Variants in RNF103 observed in about 807,000 individuals in gnomAD.
RNF103 encodes E3 ubiquitin-protein ligase RNF103.
In RNF103, 23 loss-of-function variants were observed where a neutral mutation model predicts 66.2. That is an observed-to-expected ratio of 0.35 (90% CI 0.25 to 0.49). The LOEUF is 0.49. Among genes scored for constraint, RNF103 ranks in the 20% least tolerant of loss-of-function variants. The pLI, the probability that RNF103 is intolerant of heterozygous loss-of-function variation, is 0.98. For synonymous variants in RNF103, 297 were observed against 289.9 expected, an observed-to-expected ratio of 1.02 and a Z score of -0.25; for missense variants, 730 against 814.7, an observed-to-expected ratio of 0.90 and a Z score of 1.27.
Position 86,605,297 on chromosome 2 carries a change from T to C in RNF103, c.604A>G (p.Ile202Val). The C allele has an allele frequency of 6.2e-7, 1 of 1,614,184 alleles. No homozygotes were observed. The highest frequency in any genetic ancestry group is 8.5e-7 in the Non-Finnish European group (1 of 1,180,018). Residue 202 changes from isoleucine (I) to valine (V), a missense_variant, in exon 4 of 4, where the codon ATT becomes GTT. Transcript: ENST00000237455. Reference sequence around the variant, plus strand: ...GCATGAGCAGTTATCCATTTAAAAATGTGCTCTACTTCAATCTTGCGTCCA... The same window carrying C: ...GCATGAGCAGTTATCCATTTAAAAACGTGCTCTACTTCAATCTTGCGTCCA... ...YSGRKIEVEH[I>V]FKWITAHAAS...
chr2:86,612,210 A>C lies in RNF103; in HGVS notation c.431T>G (p.Val144Gly). Residue 144 changes from valine (V) to glycine (G), a missense_variant, in exon 3 of 4, where the codon GTG (valine) becomes GGG (glycine). Physicochemically the swap from Val to Gly is moderately radical, Grantham distance 109. Transcript: ENST00000237455. ...GCCTGTACGTATTCCAAATCTTGAC[A>C]CCTTTTTAACCATTTTCTCCCAGTG... is the stretch of plus-strand genomic sequence containing the variant. ...KIHWEKMVKK[V>G]SRFGIRTGTF... 6.2e-7 allele frequency: 1 copy of C among 1,613,858 alleles called. No homozygotes were observed. Among genetic ancestry groups the C allele is most frequent in the Non-Finnish European group, 8.5e-7 (1 of 1,179,886 alleles).
intron 2 of RNF103, chr2:86,617,640 A>G (rs1179304275): frequency 1.0e-6 from 1 of 983,014 alleles, no homozygotes; most frequent in Non-Finnish European, 1.2e-6. Context: ...TAAACAGAAA[A>G]TAACAACAAT....
At position 86,604,554 on chromosome 2, in the gene RNF103, G is replaced by A. The variant is rs755022156; in HGVS notation, c.1347C>T (p.Ala449=). The A allele has an allele frequency of 6.2e-7, 1 of 1,614,152 alleles. No individual in the cohort carries two copies. The highest frequency in any genetic ancestry group is 2.2e-5 in the East Asian group (1 of 44,884). The change falls in exon 4 of 4, where the codon GCC becomes GCT. Residue 449 remains alanine, a synonymous_variant. Coordinates refer to ENST00000237455, the MANE Select transcript of RNF103 (RefSeq NM_005667.4). ...RRNNNNDEVN[A]NNLEWLSSLW... ...GACTTGATAACCATTCTAAGTTATT[G>A]GCATTGACTTCATCATTGTTGTTGT...
intron 2 of RNF103, chr2:86,617,625 T>A: frequency 1.0e-6 from 1 of 977,224 alleles, no homozygotes; most frequent in Non-Finnish European, 1.2e-6. Flanking sequence ...AAGGGGGGAC[T>A]ACTGTAAACA....
At position 86,623,604 on chromosome 2, in the gene RNF103, C is replaced by G. The variant is rs1558690643; in HGVS notation, c.-718G>C. 2 of 1,028,324 alleles carry G rather than the reference C, an allele frequency of 1.9e-6. No homozygotes were observed. The allele number at this position is 1,028,324 out of a possible 1,614,324, so 63.7% of individuals were successfully genotyped here. On this transcript the variant is annotated 5_prime_UTR_variant, in exon 1 of 4. Transcript: ENST00000237455. ...GGGCGGCGCCTCTCAGGCGGGCGGG[C>G]ACTGCGGCCCGGCCCAGGATGGGGC...
intron 2 of RNF103, chr2:86,616,772 C>A: frequency 1.4e-5 from 14 of 985,308 alleles, no homozygotes; most frequent in Non-Finnish European, 1.7e-5. Context: ...CAGTAGGGAA[C>A]AAATATGTCC....
chr2:86,622,996 G>C lies in RNF103; in HGVS notation c.-110C>G, dbSNP rs1001280831. On this transcript the variant is annotated 5_prime_UTR_variant, in exon 1 of 4. Transcript: ENST00000237455. ...GCTTGGGCGAGGGCCCCGTGTCCAC[G>C]CGCGGGCCACCCGGCGCCGTCACTG... 1 of 1,400,150 alleles carries C rather than the reference G, an allele frequency of 7.1e-7. No homozygotes were observed. The highest frequency in any genetic ancestry group is 9.2e-7 in the Non-Finnish European group (1 of 1,081,376). 86.7% of individuals were successfully genotyped at this position (1,400,150 alleles called of 1,614,324 possible). A position where few individuals can be genotyped will look rare whatever the true frequency, so the allele number is the denominator to read the frequency against.
chr2:86,605,217 A>T lies in RNF103; in HGVS notation c.684T>A (p.Asn228Lys), dbSNP rs371846352. 2.0e-4 allele frequency: 317 copies of T among 1,614,026 alleles called. No individual in the cohort carries two copies. The highest frequency in any genetic ancestry group is 1.8e-4 in the Non-Finnish European group (213 of 1,180,026). ...YNAEHLKEEWNKSDQYWLKIY... is the reference protein window; with the variant it reads ...YNAEHLKEEWKKSDQYWLKIY... ...TTTTTAACCAATACTGATCACTTTT[A>T]TTCCATTCTTCTTTCAAGTGTTCAG... The change falls in exon 4 of 4, where the codon AAT (asparagine) becomes AAA (lysine). Residue 228 changes from asparagine to lysine, a missense_variant. By Grantham distance (94) the Asn-to-Lys change is moderately conservative. Transcript: ENST00000237455.
At chr2:86,621,747 C>A (rs1679238388) in intron 1 of RNF103, among the ~76,000 whole-genome samples, 1 of 152,142 alleles carries the variant, frequency 6.6e-6, no homozygotes, top group Non-Finnish European at 1.5e-5. Flanking sequence ...AAAAAGATAA[C>A]CATCAGTTTC....
chr2:86,617,212 A>G (rs917247406), intron 2 of RNF103: 1 of 985,306 alleles, frequency 1.0e-6, no homozygotes, highest in African/African-American at 1.7e-5. Flanking sequence ...AAGCTTAAAA[A>G]TATGAAGAGG....
intron 2 of RNF103, chr2:86,617,011 G>T: frequency 1.0e-6 from 1 of 985,272 alleles, no homozygotes; most frequent in South Asian, 4.7e-5. Flanking sequence ...AATAGCTAAT[G>T]AAAGATATGA....
chr2:86,611,658 T>C (rs1244228853), intron 3 of RNF103, among the ~76,000 whole-genome samples: 1 of 151,906 alleles, frequency 6.6e-6, no homozygotes, highest in Non-Finnish European at 1.5e-5. Context: ...GAAGGATACA[T>C]GGATGATTAA....
At position 86,603,804 on chromosome 2, in the gene RNF103, T is replaced by C; in HGVS notation, c.*39A>G. The C allele has an allele frequency of 6.4e-7, 1 of 1,560,660 alleles. No individual in the cohort carries two copies. Among genetic ancestry groups the C allele is most frequent in the South Asian group, 1.2e-5 (1 of 81,036 alleles). On this transcript the variant is annotated 3_prime_UTR_variant, in exon 4 of 4. Coordinates refer to ENST00000237455, the MANE Select transcript of RNF103 (RefSeq NM_005667.4). ...TGACTAACATTAAAAAGGCAAGCTG[T>C]AAGATACTCAAAGCTTATAAAGGAC... is the stretch of plus-strand genomic sequence containing the variant.
At chr2:86,615,516 T>C (rs1053170064) in intron 2 of RNF103, among the ~76,000 whole-genome samples, 1 of 122,294 alleles carries the variant, frequency 8.2e-6, no homozygotes. Context: ...TATATACATA[T>C]GCCTTATATA....
At position 86,623,478 on chromosome 2, in the gene RNF103, C is replaced by G. The variant is rs966194263; in HGVS notation, c.-592G>C. ...GCGGGGAGGAGCGGCCGCCGCAACG[C>G]CGCGCCCGAAGCCCAGGCCCCAGGC... On this transcript the variant is annotated 5_prime_UTR_variant, in exon 1 of 4. Coordinates refer to ENST00000237455, the MANE Select transcript of RNF103 (RefSeq NM_005667.4). 6.2e-5 allele frequency: 61 copies of G among 982,378 alleles called. No individual in the cohort carries two copies. The highest frequency in any genetic ancestry group is 1.4e-4 in the South Asian group (3 of 21,284). 60.9% of individuals were successfully genotyped at this position (982,378 alleles called of 1,614,324 possible). A position where few individuals can be genotyped will look rare whatever the true frequency, so the allele number is the denominator to read the frequency against.
chr2:86,617,715 C>A, intron 2 of RNF103: 1 of 1,002,508 alleles, frequency 1.0e-6, no homozygotes, highest in East Asian at 9.7e-5. Context: ...ATGATCTGAG[C>A]TGAAAGAATG....
At chr2:86,617,823 C>T (rs1489237022) in intron 2 of RNF103, 1 of 1,063,606 alleles carries the variant, frequency 9.4e-7, no homozygotes, top group African/African-American at 1.7e-5. Flanking sequence ...AGGGCTTAAA[C>T]CAAGGTGGCT....
At position 86,616,339 on chromosome 2, in the gene RNF103, T is replaced by A. The variant is rs181298713; in HGVS notation, c.366+3991A>T. The A allele has an allele frequency of 2.0e-4, 54 of 275,496 alleles. No homozygotes were observed. The East Asian group carries it at 6.0e-3, about 30-fold the overall frequency. 17.1% of individuals were successfully genotyped at this position (275,496 alleles called of 1,614,324 possible). ...CTCAGTATTTCATTATAATAGGGAGTCTCTACTTTCAAAATCATAAGCCAA... is the reference window on the plus strand; with the variant it reads ...CTCAGTATTTCATTATAATAGGGAGACTCTACTTTCAAAATCATAAGCCAA... On this transcript the variant is annotated intron_variant, in intron 2 of 3. Coordinates refer to ENST00000237455, the MANE Select transcript of RNF103 (RefSeq NM_005667.4).
chr2:86,607,503 TGTTGA>T (rs139832854), intron 3 of RNF103, among the ~76,000 whole-genome samples: 1,850 of 152,354 alleles, frequency 0.012, 30 homozygotes, highest in African/African-American at 0.042. Context: ...CTTAGCTTCT[TGTTGA>T]GTTGATTCAC....
Sources: allele counts gnomAD v4.1 joint callset (sites outside exome capture counted in the v4.1 genomes callset), GRCh38; gene constraint gnomAD v4.1.1; transcripts MANE v1.5; gene names NCBI Gene and HGNC (gene_info 2026-07-23, HGNC 2026-07-21).